CYFIP2: variants seen among roughly 807,000 people sequenced by gnomAD.
The protein encoded by CYFIP2 is cytoplasmic FMR1 interacting protein 2.
CYFIP2 carries 29 observed loss-of-function variants against 158.7 expected under a neutral mutation model. The ratio of observed to expected loss-of-function variants is 0.18; its 90% CI spans 0.14 to 0.25. CYFIP2 has a LOEUF of 0.25. Ranked by LOEUF, CYFIP2 falls within the 10% of genes least tolerant of loss-of-function variation. The pLI is 1.00. For synonymous variants in CYFIP2, 585 were observed against 617.6 expected (o/e 0.95, Z 0.78); for missense variants, 852 against 1,639.5 (o/e 0.52, Z 8.29).
chr5:157,286,275 A>T (rs888566248), intron 2 of CYFIP2, among the ~76,000 whole-genome samples: 1 of 151,840 alleles, frequency 6.6e-6, no homozygotes, highest in Non-Finnish European at 1.5e-5. Flanking sequence ...ACAAAAAAGT[A>T]TACAAAAACA....
intron 1 of CYFIP2, among the ~76,000 whole-genome samples, chr5:157,273,412 C>A (rs1246540788): frequency 1.3e-5 from 2 of 152,142 alleles, no homozygotes; most frequent in Non-Finnish European, 2.9e-5. Flanking sequence ...TATTATTACT[C>A]CTCAGTTAAT....
At chr5:157,296,640 C>T (rs1561700703) in intron 4 of CYFIP2, 33 bp from the exon 5 acceptor site, 3 of 1,586,356 alleles carry the variant, frequency 1.9e-6, no homozygotes, top group African/African-American at 1.3e-5. Context: ...CAGGTGTAAA[C>T]CAGGATGTGT....
At chr5:157,287,420 A>G (rs1424215955) in intron 3 of CYFIP2, among the ~76,000 whole-genome samples, 2 of 152,182 alleles carry the variant, frequency 1.3e-5, no homozygotes, top group African/African-American at 4.8e-5. Context: ...TGCCTTGTTT[A>G]TAGGTTAATG....
intron 21 of CYFIP2, 119 bp downstream of exon 21, chr5:157,333,565 C>A: frequency 1.4e-6 from 2 of 1,379,750 alleles, no homozygotes; most frequent in African/African-American, 1.4e-5. Context: ...AGTCTCTTTC[C>A]CATCTGAATG....
At chr5:157,307,944 GAGCCAGA>G in intron 9 of CYFIP2, 79 bp downstream of exon 9, 1 of 798,962 alleles carries the variant, frequency 1.3e-6, no homozygotes, top group Non-Finnish European at 2.1e-6. Flanking sequence ...GGGATGAAAT[GAGCCAGA>G]AAACTGTCAG....
chr5:157,272,962 G>C (rs1239904509), intron 1 of CYFIP2, among the ~76,000 whole-genome samples: 7 of 152,154 alleles, frequency 4.6e-5, no homozygotes, highest in Non-Finnish European at 8.8e-5. Flanking sequence ...TGCCTCCCAG[G>C]TTCAAGCGAT....
At chr5:157,279,931 T>G (rs1756861001) in intron 1 of CYFIP2, among the ~76,000 whole-genome samples, 1 of 152,166 alleles carries the variant, frequency 6.6e-6, no homozygotes, top group Non-Finnish European at 1.5e-5. Flanking sequence ...CTGATTGATG[T>G]GGATTTGGCA....
At chr5:157,381,795 T>C (rs1766140484) in intron 26 of CYFIP2, among the ~76,000 whole-genome samples, 1 of 152,150 alleles carries the variant, frequency 6.6e-6, no homozygotes, top group South Asian at 2.1e-4. Flanking sequence ...TCTCAGATGC[T>C]TAGAATCCCA....
In CYFIP2 at chr5:157,389,444, GA is replaced by G; in HGVS notation, c.3446+19del. On this transcript the variant is annotated intron_variant, in intron 29 of 30. Transcript: ENST00000620254. Reference sequence around the variant, plus strand: ...CACAGCTGAGTGAGTACCCCCCAGAGAAGGCAGGGTTACCCCCAACCTGCCT... The same window carrying G: ...CACAGCTGAGTGAGTACCCCCCAGAGAGGCAGGGTTACCCCCAACCTGCCT... 6.4e-7 allele frequency: 1 copy of G among 1,553,810 alleles called. No individual in the cohort carries two copies. Among genetic ancestry groups the G allele is most frequent in the African/African-American group, 1.3e-5 (1 of 74,176 alleles).
intron 28 of CYFIP2, among the ~76,000 whole-genome samples, chr5:157,383,998 A>G (rs1305367440): frequency 1.3e-5 from 2 of 152,070 alleles, no homozygotes; most frequent in African/African-American, 4.8e-5. Context: ...ACCATATAAA[A>G]CTCTTCTGAA....
chr5:157,370,876 G>A (rs1409852009), intron 26 of CYFIP2, among the ~76,000 whole-genome samples: 1 of 152,204 alleles, frequency 6.6e-6, no homozygotes, highest in Non-Finnish European at 1.5e-5. Flanking sequence ...GGGGTTGGAA[G>A]TGAAACATAG....
At position 157,320,718 on chromosome 5, in the gene CYFIP2, C is replaced by T; in HGVS notation, c.1587C>T (p.Asp529=). Residue 529 remains aspartate, a synonymous_variant, in exon 15 of 31, where the codon GAC becomes GAT. Transcript: ENST00000620254. ...DWEGGREPPN[D]PCLRGEKDPK... is the part of the protein sequence containing the mutation. The stretch of plus-strand genomic sequence containing the variant: ...AGGGAGGGCGAGAGCCCCCTAATGA[C>T]CCATGCTTGAGAGGGGAGAAGGACC... 6.2e-7 allele frequency: 1 copy of T among 1,613,700 alleles called. No homozygotes were observed. The highest frequency in any genetic ancestry group is 8.5e-7 in the Non-Finnish European group (1 of 1,179,726).
chr5:157,334,347 A>T (rs1475314462), intron 21 of CYFIP2, among the ~76,000 whole-genome samples: 1 of 152,238 alleles, frequency 6.6e-6, no homozygotes, highest in Non-Finnish European at 1.5e-5. Flanking sequence ...TTGCACAACC[A>T]TGTGAATGTA....
At chr5:157,312,902 A>G (rs1003879342) in intron 11 of CYFIP2, among the ~76,000 whole-genome samples, 3 of 152,182 alleles carry the variant, frequency 2.0e-5, no homozygotes, top group African/African-American at 7.2e-5. Context: ...TTTTAAAAAT[A>G]GATCTCATTA....
In CYFIP2 at chr5:157,358,975, C is replaced by T. The variant is rs368628094; in HGVS notation, c.2674-30C>T. On this transcript the variant is annotated intron_variant, in intron 23 of 30. Transcript: ENST00000620254. The stretch of plus-strand genomic sequence containing the variant: ...CACCAGTGTCCATTCAGTACTCAGG[C>T]ACTTATTTGCCACTACCTCTGTTTT... 4 of 1,613,618 alleles carry T rather than the reference C, an allele frequency of 2.5e-6. No homozygotes were observed. The African/African-American group carries it at 4.0e-5, about 16-fold the overall frequency.
At chr5:157,301,010 A>G in intron 6 of CYFIP2, 114 bp downstream of exon 6, 5 of 909,760 alleles carry the variant, frequency 5.5e-6, no homozygotes, top group Non-Finnish European at 7.9e-6. Context: ...TTTGATACCA[A>G]ACTAGCCATC....
At chr5:157,366,928 T>C (rs994035834) in intron 26 of CYFIP2, among the ~76,000 whole-genome samples, 5 of 152,184 alleles carry the variant, frequency 3.3e-5, no homozygotes, top group African/African-American at 1.2e-4. Context: ...GGGACCTATT[T>C]GTACGTGTGA....
At chr5:157,392,766 C>G in intron 30 of CYFIP2, 67 bp from the exon 31 acceptor site, 3 of 1,562,998 alleles carry the variant, frequency 1.9e-6, no homozygotes, top group Non-Finnish European at 2.6e-6. Flanking sequence ...AGTGACTTCT[C>G]CTGTTACTCC....
intron 5 of CYFIP2, among the ~76,000 whole-genome samples, chr5:157,297,995 A>T (rs140277903): frequency 1.8e-4 from 28 of 152,346 alleles, no homozygotes; most frequent in African/African-American, 6.3e-4. Context: ...TGGCAGGAGA[A>T]AGTGTGACTT....
Sources: gnomAD v4.1 joint callset for allele counts (sites outside exome capture counted in the v4.1 genomes callset) on GRCh38, gnomAD v4.1.1 for gene constraint, MANE v1.5 for transcripts, NCBI Gene and HGNC (gene_info 2026-07-23, HGNC 2026-07-21) for gene names.